Variants in MED13L observed in about 807,000 individuals in gnomAD.
The protein encoded by MED13L is mediator complex subunit 13L.
MED13L carries 7 observed loss-of-function variants against 220.9 expected under a neutral mutation model. The ratio of observed to expected loss-of-function variants is 0.03; its 90% CI spans 0.02 to 0.06. The LOEUF is 0.06. Ranked by LOEUF, MED13L falls within the 10% of genes least tolerant of loss-of-function variation. The pLI is 1.00. For missense variants in MED13L, 1,965 were observed against 2,760.5 expected (o/e 0.71, Z 6.46); for synonymous variants, 1,011 against 1,015.2 (o/e 1.00, Z 0.08).
At chr12:115,970,018 G>A (rs900291865) in intron 27 of MED13L, among the ~76,000 whole-genome samples, 4 of 151,814 alleles carry the variant, frequency 2.6e-5, no homozygotes, top group African/African-American at 7.3e-5. Flanking sequence ...ATAAAATTTG[G>A]TATCCTTTTC....
chr12:116,079,555 GT>G (rs1407042434), intron 4 of MED13L, among the ~76,000 whole-genome samples: 2 of 151,818 alleles, frequency 1.3e-5, no homozygotes, highest in East Asian at 3.9e-4. Flanking sequence ...TATTATTTAT[GT>G]TTTTGCGACA....
intron 2 of MED13L, among the ~76,000 whole-genome samples, chr12:116,186,284 G>C (rs1388903693): frequency 1.3e-5 from 2 of 152,028 alleles, no homozygotes; most frequent in Admixed American, 6.6e-5. Context: ...CCTGCAAACC[G>C]ATCACATCTG....
chr12:116,103,869 G>T (rs141213669), intron 3 of MED13L, among the ~76,000 whole-genome samples: 1 of 151,868 alleles, frequency 6.6e-6, no homozygotes, highest in East Asian at 1.9e-4. Context: ...TCTTGCTCCT[G>T]TTATCACATT....
intron 2 of MED13L, among the ~76,000 whole-genome samples, chr12:116,115,480 G>A (rs992574064): frequency 2.0e-5 from 3 of 151,848 alleles, no homozygotes; most frequent in African/African-American, 7.3e-5. Flanking sequence ...ATCCATAAAA[G>A]AAAAACTGAT....
chr12:116,166,944 T>G (rs975828655), intron 2 of MED13L, among the ~76,000 whole-genome samples: 1 of 152,218 alleles, frequency 6.6e-6, no homozygotes, highest in Non-Finnish European at 1.5e-5. Context: ...TTATTGAAAT[T>G]TAAAAATTGT....
At chr12:116,148,051 C>CAA (rs10678970) in intron 2 of MED13L, among the ~76,000 whole-genome samples, 488 of 17,722 alleles carry the variant, frequency 0.028, 14 homozygotes, top group African/African-American at 0.07. Context: ...GACCCCATCT[C>CAA]AAAAAAAAAA....
At chr12:115,980,614 A>T (rs1283979745) in intron 23 of MED13L, 136 bp downstream of exon 23, 12 of 944,662 alleles carry the variant, frequency 1.3e-5, no homozygotes, top group Non-Finnish European at 2.0e-5. Flanking sequence ...GTGAGCCAAC[A>T]CATCCAGCCT....
intron 23 of MED13L, 49 bp from the exon 24 acceptor site, chr12:115,975,787 T>A: frequency 1.3e-6 from 2 of 1,566,206 alleles, no homozygotes. Context: ...TACAACTTAA[T>A]GATTACAACA....
chr12:116,276,972 G>A (rs1040325055), intron 1 of MED13L, 88 bp downstream of exon 1: 25 of 1,398,980 alleles, frequency 1.8e-5, no homozygotes, highest in Non-Finnish European at 2.2e-5. Flanking sequence ...AAGTCCCGGC[G>A]GCGGGAGGAG....
chr12:116,211,144 C>CT (rs1882679486), intron 2 of MED13L, among the ~76,000 whole-genome samples: 1 of 152,148 alleles, frequency 6.6e-6, no homozygotes, highest in Admixed American at 6.5e-5. Context: ...GTTAGAAGAC[C>CT]TTTAGTCCCT....
At chr12:116,059,507 T>C (rs1869263999) in intron 4 of MED13L, among the ~76,000 whole-genome samples, 1 of 147,404 alleles carries the variant, frequency 6.8e-6, no homozygotes, top group South Asian at 2.1e-4. Context: ...AACCTCCGCC[T>C]CCCGGGTTCA....
chr12:116,197,445 A>C (rs1881704984), intron 2 of MED13L, among the ~76,000 whole-genome samples: 1 of 152,122 alleles, frequency 6.6e-6, no homozygotes, highest in South Asian at 2.1e-4. Flanking sequence ...TTCTTCTGGG[A>C]CACAAATGGG....
chr12:116,273,652 C>T (rs1343916921), intron 1 of MED13L, among the ~76,000 whole-genome samples: 1 of 152,150 alleles, frequency 6.6e-6, no homozygotes, highest in African/African-American at 2.4e-5. Flanking sequence ...AATGGGTGTA[C>T]TAGTGTCTCA....
intron 1 of MED13L, among the ~76,000 whole-genome samples, chr12:116,265,604 C>T (rs528657653): frequency 2.6e-5 from 4 of 152,248 alleles, no homozygotes; most frequent in South Asian, 2.1e-4. Context: ...TAGCATTTTG[C>T]GTAATATAGC....
At chr12:116,129,919 A>AAAAG (rs534343859) in intron 2 of MED13L, among the ~76,000 whole-genome samples, 2,730 of 151,224 alleles carry the variant, frequency 0.018, 28 homozygotes, top group African/African-American at 0.021. Flanking sequence ...AAAAAAAAAA[A>AAAAG]AAAGAAAGAA....
At chr12:115,979,015 T>C (rs1468938141) in intron 23 of MED13L, among the ~76,000 whole-genome samples, 7 of 152,220 alleles carry the variant, frequency 4.6e-5, no homozygotes, top group African/African-American at 9.6e-5. Context: ...ATACAGCACC[T>C]GGCACACCGT....
intron 4 of MED13L, among the ~76,000 whole-genome samples, chr12:116,079,026 GACT>G (rs1315158034): frequency 8.5e-5 from 13 of 152,110 alleles, no homozygotes; most frequent in Non-Finnish European, 4.4e-5. Flanking sequence ...GACGTCAAAA[GACT>G]ACAACACAGC....
intron 1 of MED13L, among the ~76,000 whole-genome samples, chr12:116,267,986 A>C (rs1419551529): frequency 1.3e-5 from 2 of 152,272 alleles, no homozygotes; most frequent in African/African-American, 4.8e-5. Context: ...AGAGTTAATC[A>C]TCAAAATAAG....
chr12:116,163,803 A>G (rs1024330113), intron 2 of MED13L, among the ~76,000 whole-genome samples: 5 of 152,184 alleles, frequency 3.3e-5, no homozygotes, highest in Admixed American at 2.6e-4. Flanking sequence ...TATAAAGGAG[A>G]CTATTTCCTA....
Sources: gnomAD v4.1 joint callset for allele counts (sites outside exome capture counted in the v4.1 genomes callset) on GRCh38, gnomAD v4.1.1 for gene constraint, MANE v1.5 for transcripts, NCBI Gene and HGNC (gene_info 2026-07-23, HGNC 2026-07-21) for gene names.